The following TNFSF4 variants were observed in gnomAD, a reference collection of about 807,000 sequenced individuals.
The protein encoded by TNFSF4 is TNF superfamily member 4.
A neutral mutation model predicts 7.3 loss-of-function variants in TNFSF4; 4 were observed. The observed-to-expected ratio is 0.55, with a 90% CI of 0.27 to 1.25. TNFSF4 has a LOEUF of 1.25. TNFSF4 is among the 50% of genes most tolerant of loss of function. The probability of loss-of-function intolerance (pLI) is 0.12; values close to 1 mark genes in which losing one functional copy is unlikely to be tolerated. For missense variants in TNFSF4, 181 were observed against 208.8 expected, an observed-to-expected ratio of 0.87 and a Z score of 0.82; for synonymous variants, 76 against 83.7, an observed-to-expected ratio of 0.91 and a Z score of 0.50.
the TNFSF4 span, among the ~76,000 whole-genome samples, chr1:173,220,221 C>T: frequency 1.3e-5 from 2 of 151,954 alleles, no homozygotes; most frequent in Non-Finnish European, 2.9e-5. Flanking sequence ...TACTCTGAGC[C>T]CCCAGATAAA....
At chr1:173,419,110 C>T in the TNFSF4 span, among the ~76,000 whole-genome samples, 4 of 152,204 alleles carry the variant, frequency 2.6e-5, no homozygotes, top group Admixed American at 6.5e-5. Context: ...GAGGCCAAGG[C>T]GGGCAGATCA....
the TNFSF4 span, among the ~76,000 whole-genome samples, chr1:173,312,128 A>G: frequency 6.6e-6 from 1 of 152,132 alleles, no homozygotes; most frequent in Non-Finnish European, 1.5e-5. Context: ...AAGTCTTAGA[A>G]GAAAAGTTGT....
chr1:173,229,398 A>C, the TNFSF4 span, among the ~76,000 whole-genome samples: 2 of 152,194 alleles, frequency 1.3e-5, no homozygotes, highest in African/African-American at 2.4e-5. Context: ...ATTTTGTCAG[A>C]ACCAGGCCTG....
chr1:173,256,413 T>A, the TNFSF4 span, among the ~76,000 whole-genome samples: 2 of 152,080 alleles, frequency 1.3e-5, no homozygotes, highest in East Asian at 3.9e-4. Flanking sequence ...CTCTGGTGTC[T>A]CTTATAAGAG....
At chr1:173,203,300 A>T (rs899080083) in intron 1 of TNFSF4, among the ~76,000 whole-genome samples, 3 of 152,112 alleles carry the variant, frequency 2.0e-5, no homozygotes, top group Non-Finnish European at 2.9e-5. Context: ...AAATTCAATG[A>T]TTCTATATGT....
the TNFSF4 span, among the ~76,000 whole-genome samples, chr1:173,365,241 A>C: frequency 1.3e-5 from 2 of 152,326 alleles, no homozygotes; most frequent in South Asian, 2.1e-4. Context: ...TTTAGAATAC[A>C]TTTCTATAAT....
chr1:173,273,011 A>G, the TNFSF4 span, among the ~76,000 whole-genome samples: 1 of 152,168 alleles, frequency 6.6e-6, no homozygotes, highest in Non-Finnish European at 1.5e-5. Context: ...TGTAAGCGGA[A>G]TCAGTTAAGA....
the TNFSF4 span, among the ~76,000 whole-genome samples, chr1:173,346,402 C>T: frequency 6.6e-6 from 1 of 152,114 alleles, no homozygotes; most frequent in Non-Finnish European, 1.5e-5. Context: ...GTACCCACTC[C>T]CATAAAGGAG....
chr1:173,223,367 C>T, the TNFSF4 span, among the ~76,000 whole-genome samples: 1 of 152,130 alleles, frequency 6.6e-6, no homozygotes, highest in East Asian at 1.9e-4. Context: ...TTCTCAGTCA[C>T]AACTTTGTTC....
chr1:173,196,477 G>A (rs146877313), intron 1 of TNFSF4, among the ~76,000 whole-genome samples: 12 of 152,090 alleles, frequency 7.9e-5, no homozygotes, highest in Admixed American at 3.3e-4. Flanking sequence ...TATATCCTGC[G>A]TGATATCCTC....
At chr1:173,244,556 G>A in the TNFSF4 span, among the ~76,000 whole-genome samples, 2 of 148,988 alleles carry the variant, frequency 1.3e-5, no homozygotes, top group African/African-American at 5.0e-5. Context: ...GCAGGAGAAT[G>A]GCGTGAACCC....
intron 1 of TNFSF4, chr1:173,205,189 A>G (rs1650130561): frequency 8.4e-7 from 1 of 1,190,924 alleles, no homozygotes; most frequent in Admixed American, 2.4e-5. Context: ...AAAAAAAGAA[A>G]TCTATTTTCA....
At chr1:173,186,933 T>A (rs1649254373) in intron 2 of TNFSF4, 68 bp from the exon 3 acceptor site, 1 of 1,041,206 alleles carries the variant, frequency 9.6e-7, no homozygotes, top group Admixed American at 2.5e-5. Context: ...AACCTTCCAA[T>A]ACATCTGGAA....
At chr1:173,409,752 G>A in the TNFSF4 span, among the ~76,000 whole-genome samples, 66 of 152,142 alleles carry the variant, frequency 4.3e-4, no homozygotes, top group Non-Finnish European at 8.5e-4. Context: ...CTAATCTACA[G>A]TGTGAGAAGT....
At chr1:173,408,737 G>A in the TNFSF4 span, among the ~76,000 whole-genome samples, 5 of 151,846 alleles carry the variant, frequency 3.3e-5, no homozygotes, top group South Asian at 2.1e-4. Context: ...ACAGGCATGC[G>A]CCACCATGCC....
the TNFSF4 span, among the ~76,000 whole-genome samples, chr1:173,421,110 C>A: frequency 2.0e-5 from 3 of 152,086 alleles, no homozygotes; most frequent in Admixed American, 1.3e-4. Context: ...CTGCCCCTGC[C>A]CGCATTTAGG....
chr1:173,361,240 G>A, the TNFSF4 span, among the ~76,000 whole-genome samples: 1 of 152,178 alleles, frequency 6.6e-6, no homozygotes, highest in Non-Finnish European at 1.5e-5. Flanking sequence ...CTACAAATTT[G>A]GACCAGAGCA....
At chr1:173,420,027 T>C in the TNFSF4 span, among the ~76,000 whole-genome samples, 1 of 152,166 alleles carries the variant, frequency 6.6e-6, no homozygotes, top group Admixed American at 6.5e-5. Flanking sequence ...TTAACGCATG[T>C]TTATTGAGTG....
chr1:173,271,328 G>T, the TNFSF4 span, among the ~76,000 whole-genome samples: 1 of 152,056 alleles, frequency 6.6e-6, no homozygotes, highest in African/African-American at 2.4e-5. Context: ...TTTGTACAAG[G>T]TGAAATGAAG....
Sources: allele counts gnomAD v4.1 joint callset (sites outside exome capture counted in the v4.1 genomes callset), GRCh38; gene constraint gnomAD v4.1.1; transcripts MANE v1.5; gene names NCBI Gene and HGNC (gene_info 2026-07-23, HGNC 2026-07-21).